The following PTPN11 variants were observed in gnomAD, a reference collection of about 807,000 sequenced individuals.
PTPN11 encodes tyrosine-protein phosphatase non-receptor type 11.
A neutral mutation model predicts 78.8 loss-of-function variants in PTPN11; 6 were observed. The observed-to-expected ratio is 0.08, with a 90% CI of 0.04 to 0.15. PTPN11 has a LOEUF of 0.15. PTPN11 is among the 10% of genes least tolerant of loss of function. The pLI is 1.00. For missense variants in PTPN11, 386 were observed against 744.8 expected (o/e 0.52, Z 5.61); for synonymous variants, 221 against 263.5 (o/e 0.84, Z 1.56).
intron 1 of PTPN11, among the ~76,000 whole-genome samples, chr12:112,429,812 AAC>A (rs2037683151): frequency 6.6e-6 from 1 of 151,178 alleles, no homozygotes. Flanking sequence ...CAAAAAAAAA[AAC>A]AACAACAAAA....
intron 1 of PTPN11, among the ~76,000 whole-genome samples, chr12:112,442,561 C>T (rs2037909927): frequency 6.6e-6 from 1 of 151,608 alleles, no homozygotes; most frequent in Non-Finnish European, 1.5e-5. Flanking sequence ...AAGTGATTCT[C>T]CTGCCTCAGC....
chr12:112,425,261 TAAATG>T (rs1242960873), intron 1 of PTPN11, among the ~76,000 whole-genome samples: 2 of 152,100 alleles, frequency 1.3e-5, no homozygotes, highest in Non-Finnish European at 2.9e-5. Context: ...GGGGGCTAGT[TAAATG>T]AAATACAGTG....
At position 112,505,656 on chromosome 12, in the gene PTPN11, C is replaced by CA. The variant is rs1191524369; in HGVS notation, c.*33-144dup. 0.092 allele frequency among the ~76,000 whole-genome samples: 3,171 copies of CA among 34,542 alleles called. 130 individuals carry two copies. Among genetic ancestry groups the CA allele is most frequent in the Non-Finnish European group, 0.13 (1,854 of 14,088 alleles). The allele number at this position is 34,542 out of a possible 152,430, so 22.7% of individuals were successfully genotyped here. ...GGGCCACAAGAGTGAAACTCCATCT[C>CA]AAAAAAAAAAAAAAAAAAAAAAAAA... On this transcript the variant is annotated intron_variant, in intron 15 of 15. Coordinates refer to ENST00000351677, the MANE Select transcript of PTPN11 (RefSeq NM_002834.5).
intron 1 of PTPN11, among the ~76,000 whole-genome samples, chr12:112,438,550 C>T (rs2037831388): frequency 6.6e-6 from 1 of 151,920 alleles, no homozygotes; most frequent in Non-Finnish European, 1.5e-5. Context: ...GGTGCAATCT[C>T]GGCTCACTGC....
chr12:112,449,433 G>C (rs1415452910), intron 2 of PTPN11, among the ~76,000 whole-genome samples: 1 of 151,900 alleles, frequency 6.6e-6, no homozygotes, highest in African/African-American at 2.4e-5. Context: ...TGTGAACCCG[G>C]GACGTGGAGC....
At chr12:112,428,700 T>C (rs969542479) in intron 1 of PTPN11, 1 of 152,208 alleles carries the variant, frequency 6.6e-6, no homozygotes, top group Admixed American at 6.6e-5. Flanking sequence ...AAAGCTCAAG[T>C]AGATGGTCAT....
In PTPN11 at chr12:112,504,325, A is replaced by G. The variant is rs192661795; in HGVS notation, c.1713-370A>G. 2.6e-5 allele frequency among the ~76,000 whole-genome samples: 4 copies of G among 152,332 alleles called. No individual in the cohort carries two copies. The East Asian group carries it at 5.8e-4, about 22-fold the overall frequency. On this transcript the variant is annotated intron_variant, in intron 14 of 15. Transcript: ENST00000351677. The surrounding 1 kb of genome is among the most constrained non-coding windows in gnomAD (Gnocchi z 4.7). ...ATTCTTCTGCCTCAGCCTCTCAAGC[A>G]GCTGGGACTACAGGCATGTGCCATG... is the stretch of plus-strand genomic sequence containing the variant.
chr12:112,456,636 T>A (rs1370413500), intron 6 of PTPN11, among the ~76,000 whole-genome samples: 1 of 152,050 alleles, frequency 6.6e-6, no homozygotes. Flanking sequence ...ATTTTTGTAT[T>A]TTTGGTAGAG....
intron 1 of PTPN11, among the ~76,000 whole-genome samples, chr12:112,427,041 T>C (rs865832707): frequency 6.6e-6 from 1 of 151,118 alleles, no homozygotes; most frequent in South Asian, 2.1e-4. Flanking sequence ...GCTGAGGAGT[T>C]TGAGACCAGC....
intron 7 of PTPN11, among the ~76,000 whole-genome samples, chr12:112,476,705 G>C (rs1031230981): frequency 2.0e-5 from 3 of 152,306 alleles, no homozygotes; most frequent in Admixed American, 6.5e-5. Context: ...GGAGGCAGAG[G>C]TTGCAGAGAG....
chr12:112,419,141 G>C lies in PTPN11; in HGVS notation c.14+16G>C. 1 of 1,509,908 alleles carries C rather than the reference G, an allele frequency of 6.6e-7. No individual in the cohort carries two copies. The highest frequency in any genetic ancestry group is 1.4e-5 in the African/African-American group (1 of 69,262). 93.5% of individuals were successfully genotyped at this position (1,509,908 alleles called of 1,614,324 possible). A position where few individuals can be genotyped will look rare whatever the true frequency, so the allele number is the denominator to read the frequency against. ...CATCGCGGAGGTGAGGAGCCCCGAG[G>C]GGCCCGGCGCGGGCCTCGGCCCGGC... On this transcript the variant is annotated intron_variant, in intron 1 of 15. Coordinates refer to ENST00000351677, the MANE Select transcript of PTPN11 (RefSeq NM_002834.5).
chr12:112,465,197 T>G (rs2038307300), intron 6 of PTPN11, among the ~76,000 whole-genome samples: 1 of 152,084 alleles, frequency 6.6e-6, no homozygotes, highest in African/African-American at 2.4e-5. Flanking sequence ...TTTGGGAGGC[T>G]GAGGCAGCTG....
chr12:112,423,162 C>T (rs2037551225), intron 1 of PTPN11, among the ~76,000 whole-genome samples: 2 of 152,274 alleles, frequency 1.3e-5, no homozygotes, highest in South Asian at 4.1e-4. Flanking sequence ...ATGTGACGCT[C>T]TTTGACAACA....
intron 1 of PTPN11, among the ~76,000 whole-genome samples, chr12:112,445,941 C>T (rs897274694): frequency 6.6e-6 from 1 of 152,044 alleles, no homozygotes; most frequent in Non-Finnish European, 1.5e-5. Context: ...TGCCCTGCCT[C>T]TAGTTTATTT....
intron 3 of PTPN11, among the ~76,000 whole-genome samples, chr12:112,452,889 G>A (rs112903212): frequency 2.0e-5 from 3 of 152,214 alleles, no homozygotes; most frequent in South Asian, 2.1e-4. Context: ...GGCAATGGAC[G>A]AATGGCAAAT....
chr12:112,450,302 C>T lies in PTPN11; in HGVS notation c.138-16C>T, dbSNP rs2135861788. 1 of 1,585,048 alleles carries T rather than the reference C, an allele frequency of 6.3e-7. No homozygotes were observed. Among genetic ancestry groups the T allele is most frequent in the Middle Eastern group, 1.7e-4 (1 of 6,002 alleles). The stretch of plus-strand genomic sequence containing the variant: ...TTATTTGTCCCCTTGCCTCCCTTTC[C>T]AATGGACTATTTTAGAAGAAATGGA... On this transcript the variant is annotated splice_polypyrimidine_tract_variant and intron_variant, in intron 2 of 15. Transcript: ENST00000351677.
intron 13 of PTPN11, among the ~76,000 whole-genome samples, chr12:112,499,124 C>T (rs2038844325): frequency 6.6e-6 from 1 of 152,090 alleles, no homozygotes; most frequent in Admixed American, 6.5e-5. Flanking sequence ...ATCTTCTATA[C>T]AGCAGTGGGT....
intron 6 of PTPN11, among the ~76,000 whole-genome samples, chr12:112,463,729 C>CACA (rs2038284236): frequency 6.6e-6 from 1 of 152,198 alleles, no homozygotes; most frequent in Non-Finnish European, 1.5e-5. Flanking sequence ...CTGTACTCTA[C>CACA]AGGCTCTCCA....
intron 6 of PTPN11, among the ~76,000 whole-genome samples, chr12:112,467,411 C>T (rs1161709852): frequency 2.6e-5 from 4 of 152,080 alleles, no homozygotes; most frequent in African/African-American, 9.7e-5. Flanking sequence ...AGGAAGCTTC[C>T]GGTCATAGTG....
Sources: gnomAD v4.1 joint callset for allele counts (sites outside exome capture counted in the v4.1 genomes callset) on GRCh38, gnomAD v4.1.1 for gene constraint, Gnocchi (gnomAD v3.1) non-coding constraint, MANE v1.5 for transcripts, NCBI Gene and HGNC (gene_info 2026-07-23, HGNC 2026-07-21) for gene names.